Variants in DYNC2H1 observed in about 807,000 individuals in gnomAD.
DYNC2H1 encodes the protein cytoplasmic dynein 2 heavy chain 1.
A neutral mutation model predicts 570.0 loss-of-function variants in DYNC2H1; 410 were observed. The observed-to-expected ratio is 0.72, with a 90% CI of 0.66 to 0.78. DYNC2H1 has a LOEUF of 0.78. Ranked by LOEUF, DYNC2H1 falls within the 30% of genes least tolerant of loss-of-function variation. The pLI is 0.00. For missense variants in DYNC2H1, 4,865 were observed against 5,046.4 expected (o/e 0.96, Z 1.09); for synonymous variants, 1,688 against 1,677.6 (o/e 1.01, Z -0.15).
chr11:103,241,657 G>A lies in DYNC2H1; in HGVS notation c.9820-2036G>A. The A allele has an allele frequency of 1.1e-6, 1 of 881,308 alleles. No homozygotes were observed. The allele number at this position is 881,308 out of a possible 1,614,324, so 54.6% of individuals were successfully genotyped here. On this transcript the variant is annotated intron_variant, in intron 63 of 88. Transcript: ENST00000375735. The surrounding 1 kb of genome is among the most constrained non-coding windows in gnomAD (Gnocchi z 5.1). ...GCATAAAATTAGATCAAAAACCTAG[G>A]TGCAGCACCATGGTAACACTTCACA...
chr11:103,287,467 T>C, intron 74 of DYNC2H1, 66 bp from the exon 75 acceptor site: 1 of 1,222,694 alleles, frequency 8.2e-7, no homozygotes, highest in Non-Finnish European at 1.2e-6. Context: ...TTAACATTAA[T>C]TATTGTTTAG....
At chr11:103,175,683 G>A (rs1317776273) in intron 36 of DYNC2H1, among the ~76,000 whole-genome samples, 1 of 152,158 alleles carries the variant, frequency 6.6e-6, no homozygotes. Context: ...ATCAAAGATT[G>A]TTGCGCAGTT....
chr11:103,443,984 C>T (rs986678713), intron 85 of DYNC2H1, among the ~76,000 whole-genome samples: 13 of 151,682 alleles, frequency 8.6e-5, no homozygotes, highest in South Asian at 4.2e-4. Context: ...AAGTAACTTA[C>T]GATTAAATTT....
intron 85 of DYNC2H1, among the ~76,000 whole-genome samples, chr11:103,444,957 G>A (rs979711378): frequency 9.2e-5 from 14 of 152,142 alleles, no homozygotes; most frequent in Non-Finnish European, 1.8e-4. Context: ...AAGATTGAGA[G>A]CAAAAGATTA....
At chr11:103,368,693 A>G (rs1941018337) in intron 83 of DYNC2H1, among the ~76,000 whole-genome samples, 1 of 152,160 alleles carries the variant, frequency 6.6e-6, no homozygotes, top group Admixed American at 6.5e-5. Flanking sequence ...TTCTTCCTGC[A>G]TATTTTCTTC....
At chr11:103,218,169 A>G (rs1006878027) in intron 55 of DYNC2H1, among the ~76,000 whole-genome samples, 1 of 152,226 alleles carries the variant, frequency 6.6e-6, no homozygotes, top group African/African-American at 2.4e-5. Context: ...ACAGTCTCAT[A>G]AAGTTAAACA....
intron 2 of DYNC2H1, 148 bp downstream of exon 2, chr11:103,113,855 T>G: frequency 1.2e-6 from 1 of 838,956 alleles, no homozygotes; most frequent in Non-Finnish European, 1.7e-6. Context: ...AACTTAAATT[T>G]TAATGTAAGT....
chr11:103,280,292 C>T lies in DYNC2H1; in HGVS notation c.10696-56C>T, dbSNP rs771088446. On this transcript the variant is annotated intron_variant, in intron 70 of 88. Coordinates refer to ENST00000375735, the MANE Select transcript of DYNC2H1 (RefSeq NM_001377.3). This position sits in a 1 kb window ranked among gnomAD's most constrained non-coding sequence, Gnocchi z 4.7. ...TGTGTGCCAAATTTTAACGACTATG[C>T]TTTTCCAAAGACACAAATTTTTAAA... 6.6e-7 allele frequency: 1 copy of T among 1,524,612 alleles called. No individual in the cohort carries two copies. Among genetic ancestry groups the T allele is most frequent in the South Asian group, 1.2e-5 (1 of 82,582 alleles). 94.4% of individuals were successfully genotyped at this position (1,524,612 alleles called of 1,614,324 possible).
intron 84 of DYNC2H1, among the ~76,000 whole-genome samples, chr11:103,432,659 CA>C (rs796400774): frequency 4.6e-4 from 48 of 104,146 alleles, no homozygotes; most frequent in African/African-American, 1.9e-3. Flanking sequence ...AAGTCATCAG[CA>C]AAAAAAAAAT....
intron 83 of DYNC2H1, among the ~76,000 whole-genome samples, chr11:103,380,102 AT>A (rs1250676001): frequency 2.6e-5 from 4 of 152,350 alleles, no homozygotes; most frequent in South Asian, 2.1e-4. Context: ...CTTTAAAAAA[AT>A]AAGTCAATTT....
intron 40 of DYNC2H1, among the ~76,000 whole-genome samples, chr11:103,183,305 T>C (rs747554339): frequency 6.6e-6 from 1 of 151,880 alleles, no homozygotes; most frequent in Non-Finnish European, 1.5e-5. Context: ...GGTAATCTGC[T>C]CATAGATGTG....
At position 103,319,671 on chromosome 11, in the gene DYNC2H1, A is replaced by G. The variant is rs1938059923; in HGVS notation, c.11726-1358A>G. On this transcript the variant is annotated intron_variant, in intron 80 of 88. Transcript: ENST00000375735. This position sits in a 1 kb window ranked among gnomAD's most constrained non-coding sequence, Gnocchi z 4.3. ...GTTTTGAGAAAAATAGGTAGAAAAAAATAAGATTTTCTTATAAAAATTCGA... is the reference window on the plus strand; with the variant it reads ...GTTTTGAGAAAAATAGGTAGAAAAAGATAAGATTTTCTTATAAAAATTCGA... Among the ~76,000 whole-genome samples the G allele has an allele frequency of 6.6e-6, 1 of 152,214 alleles. No homozygotes were observed. The highest frequency in any genetic ancestry group is 1.5e-5 in the Non-Finnish European group (1 of 68,018).
intron 83 of DYNC2H1, among the ~76,000 whole-genome samples, chr11:103,387,185 T>C (rs896468647): frequency 4.6e-5 from 7 of 152,236 alleles, no homozygotes; most frequent in African/African-American, 9.6e-5. Context: ...TTTTTAATGA[T>C]TGACATTCTA....
In DYNC2H1 at chr11:103,185,646, C is replaced by T. The variant is rs1023878144; in HGVS notation, c.6633+595C>T. On this transcript the variant is annotated intron_variant, in intron 41 of 88. Coordinates refer to ENST00000375735, the MANE Select transcript of DYNC2H1 (RefSeq NM_001377.3). The surrounding 1 kb of genome is among the most constrained non-coding windows in gnomAD (Gnocchi z 4.5). ...CTTTGATAGTGTCATTTACTGCTTT[C>T]TCTATTCCGTCTCCCTTTCCATGGC... Among the ~76,000 whole-genome samples the T allele has an allele frequency of 6.6e-6, 1 of 151,694 alleles. No homozygotes were observed. The highest frequency in any genetic ancestry group is 1.5e-5 in the Non-Finnish European group (1 of 67,804).
intron 84 of DYNC2H1, among the ~76,000 whole-genome samples, chr11:103,425,162 C>A (rs903091429): frequency 2.0e-5 from 3 of 152,110 alleles, no homozygotes; most frequent in African/African-American, 7.2e-5. Flanking sequence ...TGTTTTTGAA[C>A]CCCTGTGGTC....
chr11:103,250,086 T>G (rs1864772012), intron 65 of DYNC2H1, among the ~76,000 whole-genome samples: 1 of 152,052 alleles, frequency 6.6e-6, no homozygotes, highest in African/African-American at 2.4e-5. Flanking sequence ...CTTTAAACAC[T>G]GGGATTATTT....
At position 103,156,556 on chromosome 11, in the gene DYNC2H1, A is replaced by G; in HGVS notation, c.3913A>G (p.Asn1305Asp). 6.2e-7 allele frequency: 1 copy of G among 1,613,732 alleles called. No homozygotes were observed. The highest frequency in any genetic ancestry group is 8.5e-7 in the Non-Finnish European group (1 of 1,179,720). Reference protein sequence around the residue: ...WKDIVNQVGDNRCLLQSLKDS... With the variant: ...WKDIVNQVGDDRCLLQSLKDS... ...AGATATAGTAAATCAGGTTGGAGAT[A>G]ATAGATGCCTTCTCCAATCCTTAAA... Residue 1305 changes from asparagine to aspartate, a missense_variant, in exon 26 of 89, where the codon AAT becomes GAT. Physicochemically the swap from Asn to Asp is conservative, Grantham distance 23. This residue lies in a region of DYNC2H1 where 1,936 missense variants were observed against 1,962.1 expected (regional missense o/e 0.99). Transcript: ENST00000375735.
At chr11:103,301,204 A>G (rs917458716) in intron 75 of DYNC2H1, among the ~76,000 whole-genome samples, 3 of 151,944 alleles carry the variant, frequency 2.0e-5, no homozygotes, top group Admixed American at 1.3e-4. Flanking sequence ...ATGTATGGCT[A>G]TCAGAAATTA....
At chr11:103,270,718 A>C (rs1865676759) in intron 70 of DYNC2H1, among the ~76,000 whole-genome samples, 1 of 152,160 alleles carries the variant, frequency 6.6e-6, no homozygotes, top group Non-Finnish European at 1.5e-5. Flanking sequence ...TGCTGGACAA[A>C]GGGACAATTG....
Sources: gnomAD v4.1 joint callset for allele counts (sites outside exome capture counted in the v4.1 genomes callset) on GRCh38, gnomAD v4.1.1 for gene constraint, gnomAD v4.1.1 regional missense constraint, Gnocchi (gnomAD v3.1) non-coding constraint, MANE v1.5 for transcripts, NCBI Gene and HGNC (gene_info 2026-07-23, HGNC 2026-07-21) for gene names.